The following SEPTIN7 variants were observed in gnomAD, a reference collection of about 807,000 sequenced individuals.
SEPTIN7 encodes the protein septin 7.
In SEPTIN7, 10 loss-of-function variants were observed where a neutral mutation model predicts 63.3. The observed-to-expected ratio is 0.16, with a 90% CI of 0.10 to 0.27. The LOEUF is 0.27. SEPTIN7 is among the 10% of genes least tolerant of loss of function. The pLI is 1.00. For synonymous variants in SEPTIN7, 131 were observed against 165.3 expected (o/e 0.79, Z 1.59); for missense variants, 310 against 521.0 (o/e 0.59, Z 3.94).
At chr7:35,819,781 A>G (rs1286638964) in intron 1 of SEPTIN7, among the ~76,000 whole-genome samples, 3 of 151,482 alleles carry the variant, frequency 2.0e-5, no homozygotes, top group African/African-American at 7.3e-5. Flanking sequence ...CTTTTTTTTC[A>G]ATCTGTTTGT....
At chr7:35,908,943 G>C (rs928409301), downstream of SEPTIN7, among the ~76,000 whole-genome samples, 42 of 152,152 alleles carry the variant, frequency 2.8e-4, no homozygotes, top group Admixed American at 2.7e-3. Flanking sequence ...AATATATGCT[G>C]TACTCTAGCG....
In SEPTIN7 at chr7:35,891,762, C is replaced by G. The variant is rs140431002; in HGVS notation, c.998+969C>G. Among the ~76,000 whole-genome samples, 13 of 152,236 alleles carry G rather than the reference C, an allele frequency of 8.5e-5. No homozygotes were observed. In the East Asian group the frequency reaches 2.3e-3, roughly 27 times the overall value. On this transcript the variant is annotated intron_variant, in intron 11 of 13. Transcript: ENST00000350320. ...TTTAAATTTCTCTTCAATAATCTTACTTTGCTGTAACTTTATTTTATAATA... is the reference window on the plus strand; with the variant it reads ...TTTAAATTTCTCTTCAATAATCTTAGTTTGCTGTAACTTTATTTTATAATA...
At chr7:35,864,744 G>A (rs559051562) in intron 4 of SEPTIN7, among the ~76,000 whole-genome samples, 6 of 152,226 alleles carry the variant, frequency 3.9e-5, no homozygotes, top group Non-Finnish European at 7.4e-5. Flanking sequence ...TAAAAATATT[G>A]TTGGTGAGCT....
intron 3 of SEPTIN7, among the ~76,000 whole-genome samples, chr7:35,839,163 C>A (rs1220888775): frequency 2.0e-5 from 3 of 152,068 alleles, no homozygotes; most frequent in African/African-American, 4.8e-5. Flanking sequence ...GGAGGACCTG[C>A]CTTTTTGAAA....
chr7:35,900,044 C>G (rs967980548), intron 12 of SEPTIN7: 1 of 152,160 alleles, frequency 6.6e-6, no homozygotes, highest in Non-Finnish European at 1.5e-5. Flanking sequence ...TATATTCTTA[C>G]AGTTGATCTC....
chr7:35,898,294 A>C lies in SEPTIN7; in HGVS notation c.1045A>C (p.Lys349Gln). ...MEEERREHVA[K>Q]MKKMEMEMEQ... Reference sequence around the variant, plus strand: ...AGAAGAAAGAAGGGAGCATGTAGCTAAAATGAAGAAGATGGAGATGGAGAT... The same window carrying C: ...AGAAGAAAGAAGGGAGCATGTAGCTCAAATGAAGAAGATGGAGATGGAGAT... The change falls in exon 12 of 14, where the codon AAA becomes CAA. Residue 349 changes from lysine (K) to glutamine (Q), a missense_variant. Lys to Gln is a moderately conservative substitution (Grantham distance 53). This residue lies in a region of SEPTIN7 where 255 missense variants were observed against 490.5 expected (regional missense o/e 0.52). Transcript: ENST00000350320. 3 of 1,551,880 alleles carry C rather than the reference A, an allele frequency of 1.9e-6. No individual in the cohort carries two copies. Among genetic ancestry groups the C allele is most frequent in the Non-Finnish European group, 2.6e-6 (3 of 1,146,742 alleles).
Position 35,814,340 on chromosome 7 carries a change from A to T in SEPTIN7, c.61+13070A>T, listed in dbSNP as rs139161439. On this transcript the variant is annotated intron_variant, in intron 1 of 13. Coordinates refer to ENST00000350320, the MANE Select transcript of SEPTIN7 (RefSeq NM_001788.6). Reference sequence around the variant, plus strand: ...TCTTATAGATTTGTAGAGATAACTTACTGTAATTTTAATTTGTATTTTCCT... The same window carrying T: ...TCTTATAGATTTGTAGAGATAACTTTCTGTAATTTTAATTTGTATTTTCCT... Among the ~76,000 whole-genome samples the T allele has an allele frequency of 3.1e-3, 468 of 152,260 alleles. 3 individuals carry two copies. The highest frequency in any genetic ancestry group is 0.011 in the African/African-American group (456 of 41,546).
At chr7:35,807,885 T>C (rs1788454737) in intron 1 of SEPTIN7, among the ~76,000 whole-genome samples, 1 of 152,032 alleles carries the variant, frequency 6.6e-6, no homozygotes, top group South Asian at 2.1e-4. Flanking sequence ...GCTAGTGGCA[T>C]GATCGTGGCT....
chr7:35,909,248 A>G (rs1254957661), downstream of SEPTIN7, among the ~76,000 whole-genome samples: 1 of 152,230 alleles, frequency 6.6e-6, no homozygotes, highest in East Asian at 1.9e-4. Context: ...TCTCACCCAG[A>G]CACAAATGAA....
At chr7:35,899,504 C>G (rs1379330909) in intron 12 of SEPTIN7, 4 of 152,370 alleles carry the variant, frequency 2.6e-5, no homozygotes, top group Non-Finnish European at 5.9e-5. Flanking sequence ...CACTGCACTC[C>G]CGCCTGGGCG....
At chr7:35,900,621 T>G (rs947454350) in intron 12 of SEPTIN7, 3 of 152,202 alleles carry the variant, frequency 2.0e-5, no homozygotes, top group Non-Finnish European at 4.4e-5. Flanking sequence ...GTCTACTACA[T>G]TATCTCCACA....
intron 1 of SEPTIN7, among the ~76,000 whole-genome samples, chr7:35,819,982 C>CTTTT (rs556829718): frequency 7.1e-6 from 1 of 140,678 alleles, no homozygotes; most frequent in East Asian, 2.0e-4. Context: ...TACATCTTGT[C>CTTTT]TTTTTTTTTT....
intron 11 of SEPTIN7, among the ~76,000 whole-genome samples, chr7:35,892,246 A>G (rs1296345137): frequency 3.3e-5 from 5 of 152,200 alleles, no homozygotes; most frequent in Non-Finnish European, 5.9e-5. Context: ...ATGCCTTATA[A>G]TGGAATAGAA....
intron 3 of SEPTIN7, among the ~76,000 whole-genome samples, chr7:35,841,700 T>A (rs912439567): frequency 6.6e-6 from 1 of 152,218 alleles, no homozygotes; most frequent in Admixed American, 6.5e-5. Flanking sequence ...TCTGTCAGTA[T>A]TTTAAAAGAA....
intron 3 of SEPTIN7, among the ~76,000 whole-genome samples, chr7:35,859,889 C>CT (rs965617285): frequency 6.6e-6 from 1 of 152,250 alleles, no homozygotes; most frequent in East Asian, 1.9e-4. Flanking sequence ...TACAATGTGT[C>CT]TTTTACAGAT....
At chr7:35,856,051 C>T (rs1362183727) in intron 3 of SEPTIN7, among the ~76,000 whole-genome samples, 1 of 152,102 alleles carries the variant, frequency 6.6e-6, no homozygotes, top group African/African-American at 2.4e-5. Context: ...AAATGAATCA[C>T]AGAAATAATA....
chr7:35,835,544 A>G (rs1784044374), intron 3 of SEPTIN7, among the ~76,000 whole-genome samples: 1 of 152,174 alleles, frequency 6.6e-6, no homozygotes, highest in South Asian at 2.1e-4. Context: ...CTGCTCAGTT[A>G]GTCTGGGATG....
intron 3 of SEPTIN7, among the ~76,000 whole-genome samples, chr7:35,851,510 CTTT>C (rs1217082187): frequency 6.6e-6 from 1 of 151,918 alleles, no homozygotes; most frequent in Non-Finnish European, 1.5e-5. Flanking sequence ...TACAGATATT[CTTT>C]TTATCTTGAG....
intron 3 of SEPTIN7, among the ~76,000 whole-genome samples, chr7:35,845,887 A>G (rs1462608345): frequency 6.6e-6 from 1 of 151,810 alleles, no homozygotes; most frequent in African/African-American, 2.4e-5. Context: ...ATATATGTGG[A>G]TGTTTGCCTT....
Sources: allele counts gnomAD v4.1 joint callset (sites outside exome capture counted in the v4.1 genomes callset), GRCh38; gene constraint gnomAD v4.1.1; regional missense constraint gnomAD v4.1.1; transcripts MANE v1.5; gene names NCBI Gene and HGNC (gene_info 2026-07-23, HGNC 2026-07-21).